TNRC6B: variants seen among roughly 807,000 people sequenced by gnomAD.
TNRC6B encodes trinucleotide repeat-containing gene 6B protein.
A neutral mutation model predicts 203.6 loss-of-function variants in TNRC6B; 52 were observed. The ratio of observed to expected loss-of-function variants is 0.26; its 90% CI spans 0.20 to 0.32. TNRC6B has a LOEUF of 0.32. TNRC6B is among the 10% of genes least tolerant of loss of function. TNRC6B has a pLI of 1.00. For synonymous variants in TNRC6B, 838 were observed against 845.7 expected (o/e 0.99, Z 0.16); for missense variants, 1,923 against 2,286.2 (o/e 0.84, Z 3.24).
chr22:40,323,559 A>T lies in TNRC6B; in HGVS notation c.*318A>T, dbSNP rs981794366. 7.6e-5 allele frequency: 15 copies of T among 196,740 alleles called. No homozygotes were observed. The highest frequency in any genetic ancestry group is 1.6e-4 in the African/African-American group (7 of 42,806). The allele number at this position is 196,740 out of a possible 1,614,324, so 12.2% of individuals were successfully genotyped here. A position where few individuals can be genotyped will look rare whatever the true frequency, so the allele number is the denominator to read the frequency against. ...ATTTAAATTTAAACACAAAAAAATT[A>T]AAAAAATTAGTTTCTAGTTTTTCAC... On this transcript the variant is annotated 3_prime_UTR_variant, in exon 23 of 23. Coordinates refer to ENST00000454349, the MANE Select transcript of TNRC6B (RefSeq NM_001162501.2).
Position 40,265,595 on chromosome 22 carries a change from C to T in TNRC6B, c.1365C>T (p.Asp455=), listed in dbSNP as rs750334686. The change falls in exon 5 of 23, where the codon GAC becomes GAT. Residue 455 remains aspartate (D), a synonymous_variant. Transcript: ENST00000454349. ...GGAACAATGGAAAAGAGAGAGAGGACTCCTGGAAAGGAGCTTCTGTTCAGA... is the reference window on the plus strand; with the variant it reads ...GGAACAATGGAAAAGAGAGAGAGGATTCCTGGAAAGGAGCTTCTGTTCAGA... ...NNGNNGKERE[D]SWKGASVQKS... is the part of the protein sequence containing the mutation. 2.5e-6 allele frequency: 4 copies of T among 1,613,678 alleles called. No homozygotes were observed. The Admixed American group carries it at 5.0e-5, about 20-fold the overall frequency.
chr22:40,115,723 C>G (rs1253737546), intron 1 of TNRC6B, among the ~76,000 whole-genome samples: 1 of 151,866 alleles, frequency 6.6e-6, no homozygotes, highest in East Asian at 1.9e-4. Context: ...GGAGATAACA[C>G]CTAAAGGAAA....
At chr22:40,202,876 A>G (rs868712641) in intron 1 of TNRC6B, among the ~76,000 whole-genome samples, 4 of 152,052 alleles carry the variant, frequency 2.6e-5, no homozygotes, top group African/African-American at 9.7e-5. Context: ...CATTGCTTCC[A>G]TCCGTCTTAT....
intron 3 of TNRC6B, among the ~76,000 whole-genome samples, chr22:40,128,822 C>G (rs1333638323): frequency 2.0e-5 from 3 of 152,022 alleles, no homozygotes; most frequent in African/African-American, 7.3e-5. Flanking sequence ...TGCGCCTGGC[C>G]TTCAATAAAT....
rs1338704750 is a variant in TNRC6B at position 40,246,834 on chromosome 22, CA to C, written c.93+734del. On this transcript the variant is annotated intron_variant, in intron 2 of 22. Transcript: ENST00000454349. ...AGATGAGTCTACCTTGGGAGAATTACAAGTAGAAACCCCTCTCGGAAAGGAT... is the reference window on the plus strand; with the variant it reads ...AGATGAGTCTACCTTGGGAGAATTACAGTAGAAACCCCTCTCGGAAAGGAT... 1.4e-4 allele frequency among the ~76,000 whole-genome samples: 21 copies of C among 151,956 alleles called. No homozygotes were observed. The East Asian group carries it at 4.0e-3, about 29-fold the overall frequency.
intron 1 of TNRC6B, among the ~76,000 whole-genome samples, chr22:40,049,821 C>G (rs2067730501): frequency 6.6e-6 from 1 of 152,134 alleles, no homozygotes; most frequent in South Asian, 2.1e-4. Context: ...CCAGGCTGAT[C>G]TGGAACTCCT....
intron 4 of TNRC6B, among the ~76,000 whole-genome samples, chr22:40,263,170 T>C (rs777619444): frequency 1.3e-5 from 2 of 152,220 alleles, no homozygotes; most frequent in Non-Finnish European, 2.9e-5. Context: ...TGGGGTGATA[T>C]TAAAATTCAG....
chr22:40,273,612 A>G lies in TNRC6B; in HGVS notation c.3141+12A>G, dbSNP rs1601478850. ...AGAAACAAATGAAGGTAGCCTGCTT[A>G]GAAATGTTCGCACTTGCTCATTCGC... On this transcript the variant is annotated intron_variant, in intron 7 of 22. Coordinates refer to ENST00000454349, the MANE Select transcript of TNRC6B (RefSeq NM_001162501.2). 6.4e-7 allele frequency: 1 copy of G among 1,558,160 alleles called. No individual in the cohort carries two copies.
chr22:40,159,164 C>T lies in TNRC6B; in HGVS notation c.113+2982C>T, dbSNP rs185936105. On this transcript the variant is annotated intron_variant, in intron 4 of 23. Transcript: ENST00000301923. ...ATTTTTAGTAGAGATGGGGTTTCACCGTGTTAGCCAGGATGGTCTCGATCT... is the reference window on the plus strand; with the variant it reads ...ATTTTTAGTAGAGATGGGGTTTCACTGTGTTAGCCAGGATGGTCTCGATCT... 3.2e-3 allele frequency among the ~76,000 whole-genome samples: 491 copies of T among 151,326 alleles called. 17 individuals are homozygous for T. The East Asian group carries it at 0.072, about 22-fold the overall frequency.
intron 1 of TNRC6B, among the ~76,000 whole-genome samples, chr22:40,196,656 T>G (rs1403741307): frequency 5.7e-5 from 3 of 52,526 alleles, no homozygotes; most frequent in Non-Finnish European, 1.0e-4. Flanking sequence ...TTTCTGGAAC[T>G]CTTGCTGATG....
chr22:40,069,554 C>A (rs2067928950), intron 1 of TNRC6B, among the ~76,000 whole-genome samples: 1 of 147,146 alleles, frequency 6.8e-6, no homozygotes, highest in Non-Finnish European at 1.5e-5. Context: ...ATGGCGTGAT[C>A]TCGGCTCACC....
chr22:40,084,390 G>C (rs2068085429), intron 1 of TNRC6B, among the ~76,000 whole-genome samples: 1 of 152,186 alleles, frequency 6.6e-6, no homozygotes, highest in Admixed American at 6.5e-5. Context: ...TTCGAGCTGA[G>C]CAGTTTCCAC....
At chr22:40,231,350 CTTAATA>C (rs1232132832) in intron 1 of TNRC6B, among the ~76,000 whole-genome samples, 4 of 152,252 alleles carry the variant, frequency 2.6e-5, no homozygotes, top group African/African-American at 9.6e-5. Flanking sequence ...TGATTGACAT[CTTAATA>C]TTAAGTCTTT....
intron 1 of TNRC6B, among the ~76,000 whole-genome samples, chr22:40,222,463 C>G (rs1601896645): frequency 6.6e-6 from 1 of 152,162 alleles, no homozygotes; most frequent in Admixed American, 6.5e-5. Flanking sequence ...ATGGGGAGTT[C>G]TCAAGGAGGA....
At chr22:40,224,570 C>T (rs963080749) in intron 1 of TNRC6B, among the ~76,000 whole-genome samples, 1 of 152,138 alleles carries the variant, frequency 6.6e-6, no homozygotes, top group African/African-American at 2.4e-5. Context: ...TGAAGCATTT[C>T]TGTAGTCAGA....
At chr22:40,177,057 G>A (rs2069069592), upstream of TNRC6B, among the ~76,000 whole-genome samples, 1 of 152,216 alleles carries the variant, frequency 6.6e-6, no homozygotes. Flanking sequence ...AGCCGCGGGG[G>A]CTGGAGATGC....
chr22:40,117,958 C>A (rs551457047), intron 2 of TNRC6B, among the ~76,000 whole-genome samples: 2 of 152,020 alleles, frequency 1.3e-5, no homozygotes, highest in Non-Finnish European at 2.9e-5. Flanking sequence ...AAAAGAGGCC[C>A]CCACAAGCAA....
chr22:40,125,924 G>C (rs979653419), intron 3 of TNRC6B: 1 of 1,478,744 alleles, frequency 6.8e-7, no homozygotes, highest in Admixed American at 2.3e-5. Context: ...CTGTGGATGA[G>C]TAGAATGGGT....
intron 1 of TNRC6B, among the ~76,000 whole-genome samples, chr22:40,237,593 C>T (rs991392390): frequency 1.3e-5 from 2 of 152,068 alleles, no homozygotes; most frequent in Non-Finnish European, 2.9e-5. Flanking sequence ...TCTGGGGAGG[C>T]TTGCTGCCGA....
Sources: gnomAD v4.1 joint callset for allele counts (sites outside exome capture counted in the v4.1 genomes callset) on GRCh38, gnomAD v4.1.1 for gene constraint, MANE v1.5 for transcripts, NCBI Gene and HGNC (gene_info 2026-07-23, HGNC 2026-07-21) for gene names.